The following TEX36 variants were observed in gnomAD, a reference collection of about 807,000 sequenced individuals.
The protein encoded by TEX36 is testis expressed 36.
A neutral mutation model predicts 13.6 loss-of-function variants in TEX36; 12 were observed. The observed-to-expected ratio is 0.88, with a 90% CI of 0.56 to 1.43. The LOEUF (loss-of-function observed/expected upper bound fraction) is 1.43, where lower values mean the gene tolerates loss of function less well. TEX36 is among the 40% of genes most tolerant of loss of function. The pLI, the probability that TEX36 is intolerant of heterozygous loss-of-function variation, is 0.00. For synonymous variants in TEX36, 93 were observed against 83.0 expected, an observed-to-expected ratio of 1.12 and a Z score of -0.65; for missense variants, 224 against 228.3, an observed-to-expected ratio of 0.98 and a Z score of 0.12.
chr10:125,617,053 C>G (rs1455476908), downstream of TEX36, among the ~76,000 whole-genome samples: 1 of 152,138 alleles, frequency 6.6e-6, no homozygotes, highest in East Asian at 1.9e-4. Flanking sequence ...CCTTCTTTGT[C>G]TCTTTTGATC....
At chr10:125,620,516 G>C (rs922217416), downstream of TEX36, among the ~76,000 whole-genome samples, 4 of 152,174 alleles carry the variant, frequency 2.6e-5, no homozygotes, top group Admixed American at 2.0e-4. Flanking sequence ...GGCAAACAGG[G>C]ATCAGGAAGA....
At chr10:125,651,025 A>G (rs1846846149), downstream of TEX36, among the ~76,000 whole-genome samples, 1 of 152,228 alleles carries the variant, frequency 6.6e-6, no homozygotes, top group Non-Finnish European at 1.5e-5. Flanking sequence ...AACCAAAAAA[A>G]GTCCAGGACC....
chr10:125,577,467 C>G (rs1469526143), intron 3 of TEX36, among the ~76,000 whole-genome samples: 1 of 152,128 alleles, frequency 6.6e-6, no homozygotes, highest in African/African-American at 2.4e-5. Context: ...CCAGTGCACT[C>G]CAGCCTGGGG....
chr10:125,673,790 G>T (rs1589789050), intron 1 of TEX36, among the ~76,000 whole-genome samples: 1 of 150,444 alleles, frequency 6.6e-6, no homozygotes, highest in South Asian at 2.1e-4. Flanking sequence ...TGAAAGGTCT[G>T]CCCTTAGTCT....
Position 125,661,087 on chromosome 10 carries a change from G to A in TEX36, c.198C>T (p.Asn66=), listed in dbSNP as rs1311283591. 1 of 1,551,972 alleles carries A rather than the reference G, an allele frequency of 6.4e-7. No homozygotes were observed. Among genetic ancestry groups the A allele is most frequent in the Non-Finnish European group, 8.7e-7 (1 of 1,147,020 alleles). Residue 66 remains asparagine (N), a synonymous_variant, in exon 3 of 4, where the codon AAC becomes AAT. Transcript: ENST00000368821. The part of the protein sequence containing the change: ...YKVREKQAVN[N]QFPFSVHDNR... ...TGTCATGCACGGAGAAGGGGAACTG[G>A]TTATTCACTGCTTGCTGGAAAAGTG...
At chr10:125,623,889 G>A (rs1846455225) in intron 3 of TEX36, among the ~76,000 whole-genome samples, 1 of 152,212 alleles carries the variant, frequency 6.6e-6, no homozygotes. Flanking sequence ...TTTAGCTCTG[G>A]AAAGAGGGCA....
intron 3 of TEX36, among the ~76,000 whole-genome samples, chr10:125,639,589 G>A (rs1017430050): frequency 4.1e-5 from 5 of 120,610 alleles, no homozygotes; most frequent in Admixed American, 9.9e-5. Flanking sequence ...GTCCCAAAGG[G>A]AATGGGGCAA....
Position 125,615,798 on chromosome 10 carries a change from A to G in TEX36, c.265-38924T>C, listed in dbSNP as rs997177409. 2.6e-5 allele frequency among the ~76,000 whole-genome samples: 4 copies of G among 152,294 alleles called. No homozygotes were observed. In the South Asian group the frequency reaches 8.3e-4, roughly 32 times the overall value. ...GGTATCAGGATGATGCTGGCTTCAT[A>G]AAATGAGTTAGGGAGGATTCCCTCT... On this transcript the variant is annotated intron_variant, in intron 3 of 3. Transcript: ENST00000532135.
downstream of TEX36, among the ~76,000 whole-genome samples, chr10:125,655,171 G>A (rs886938356): frequency 3.9e-5 from 6 of 152,100 alleles, no homozygotes; most frequent in Non-Finnish European, 8.8e-5. Flanking sequence ...AAGGCCAGGC[G>A]CGGTGGCTCA....
chr10:125,646,198 C>T (rs1846765682), intron 3 of TEX36, among the ~76,000 whole-genome samples: 1 of 152,042 alleles, frequency 6.6e-6, no homozygotes, highest in Admixed American at 6.6e-5. Flanking sequence ...TGGTGGTGTG[C>T]ACCTGTAGTT....
intron 3 of TEX36, 83 bp from the exon 4 acceptor site, chr10:125,656,279 C>G (rs1846942111): frequency 9.9e-7 from 1 of 1,010,592 alleles, no homozygotes; most frequent in Admixed American, 4.8e-5. Context: ...TTTTTTGAGA[C>G]AGAGTCTTGC....
chr10:125,613,702 C>T (rs1409589654), intron 3 of TEX36, among the ~76,000 whole-genome samples: 1 of 151,884 alleles, frequency 6.6e-6, no homozygotes, highest in Non-Finnish European at 1.5e-5. Context: ...TGGGTTGGTT[C>T]CAAGTCTTTG....
chr10:125,621,698 C>A, intron 3 of TEX36: 1 of 455,728 alleles, frequency 2.2e-6, no homozygotes, highest in Non-Finnish European at 4.4e-6. Flanking sequence ...AAGCCTCAAA[C>A]CCAGGGAAGC....
intron 3 of TEX36, among the ~76,000 whole-genome samples, chr10:125,579,733 G>A (rs1242241438): frequency 6.6e-6 from 1 of 152,100 alleles, no homozygotes; most frequent in Non-Finnish European, 1.5e-5. Context: ...GTTTAAAAGT[G>A]TGTGGCGCCT....
rs191933057 is a variant in TEX36 at position 125,677,116 on chromosome 10, C to T, written c.51+5823G>A. 2.5e-3 allele frequency among the ~76,000 whole-genome samples: 375 copies of T among 152,242 alleles called. 1 individual carries two copies. Among genetic ancestry groups the T allele is most frequent in the Non-Finnish European group, 4.1e-3 (280 of 68,008 alleles). On this transcript the variant is annotated intron_variant, in intron 1 of 3. Coordinates refer to ENST00000368821, the MANE Select transcript of TEX36 (RefSeq NM_001128202.3). ...ATTGATGACTAATGCTTTTCCCTTG[C>T]TTTTTTAAAAAATTTGTTCTGTATC...
At chr10:125,607,040 T>G (rs999075308) in intron 3 of TEX36, among the ~76,000 whole-genome samples, 1 of 152,334 alleles carries the variant, frequency 6.6e-6, no homozygotes, top group Non-Finnish European at 1.5e-5. Flanking sequence ...TTCATTCACA[T>G]GCAAATGCTT....
intron 3 of TEX36, among the ~76,000 whole-genome samples, chr10:125,641,014 A>G (rs1437674017): frequency 1.3e-5 from 2 of 149,398 alleles, no homozygotes; most frequent in Non-Finnish European, 3.0e-5. Flanking sequence ...ATTTTTCTGT[A>G]GGTGAAAAAA....
chr10:125,668,101 C>A (rs1350899613), intron 1 of TEX36, among the ~76,000 whole-genome samples: 2 of 147,656 alleles, frequency 1.4e-5, no homozygotes, highest in Admixed American at 1.4e-4. Context: ...GTTGGGGCAC[C>A]TCTGCATACC....
intron 3 of TEX36, among the ~76,000 whole-genome samples, chr10:125,595,889 A>G (rs1456783306): frequency 6.6e-6 from 1 of 152,006 alleles, no homozygotes; most frequent in Admixed American, 6.6e-5. Context: ...GATTTTTTCT[A>G]TTTTATTCCC....
Sources: gnomAD v4.1 joint callset for allele counts (sites outside exome capture counted in the v4.1 genomes callset) on GRCh38, gnomAD v4.1.1 for gene constraint, MANE v1.5 for transcripts, NCBI Gene and HGNC (gene_info 2026-07-23, HGNC 2026-07-21) for gene names.